Variants in TBC1D1 observed in about 807,000 individuals in gnomAD.
TBC1D1 encodes the protein TBC1 (tre-2/USP6, BUB2, cdc16) domain family, member 1.
TBC1D1 carries 89 observed loss-of-function variants against 125.6 expected under a neutral mutation model. The observed-to-expected ratio is 0.71, with a 90% CI of 0.60 to 0.85. TBC1D1 has a LOEUF of 0.85. Ranked by LOEUF, TBC1D1 falls within the 40% of genes least tolerant of loss-of-function variation. The pLI is 0.00. For synonymous variants in TBC1D1, 565 were observed against 564.1 expected (o/e 1.00, Z -0.02); for missense variants, 1,377 against 1,469.2 (o/e 0.94, Z 1.03).
intron 2 of TBC1D1, among the ~76,000 whole-genome samples, chr4:37,915,222 A>G (rs1267606410): frequency 6.6e-6 from 1 of 152,136 alleles, no homozygotes; most frequent in Non-Finnish European, 1.5e-5. Context: ...TTTTAACCTG[A>G]TATCATCTAG....
At chr4:38,051,296 CT>C (rs1750496730) in intron 11 of TBC1D1, among the ~76,000 whole-genome samples, 1 of 152,196 alleles carries the variant, frequency 6.6e-6, no homozygotes, top group Non-Finnish European at 1.5e-5. Flanking sequence ...ATTCTGCTTT[CT>C]TTCCCCCTTG....
At chr4:37,912,020 T>C (rs1285071415) in intron 2 of TBC1D1, among the ~76,000 whole-genome samples, 2 of 152,214 alleles carry the variant, frequency 1.3e-5, no homozygotes, top group Non-Finnish European at 2.9e-5. Flanking sequence ...AATAATTACA[T>C]AGGTTATACT....
chr4:38,052,848 C>G (rs929812509), intron 11 of TBC1D1, among the ~76,000 whole-genome samples: 2 of 151,274 alleles, frequency 1.3e-5, no homozygotes, highest in African/African-American at 4.9e-5. Flanking sequence ...ATTATTTTTC[C>G]CAGTTTGAAA....
At chr4:37,902,857 C>G (rs1716378745) in intron 2 of TBC1D1, among the ~76,000 whole-genome samples, 2 of 152,208 alleles carry the variant, frequency 1.3e-5, no homozygotes, top group African/African-American at 4.8e-5. Flanking sequence ...ACCTGGGGAT[C>G]TTGTTAAAAT....
intron 12 of TBC1D1, among the ~76,000 whole-genome samples, chr4:38,068,628 CA>C (rs1754155964): frequency 6.6e-6 from 1 of 152,206 alleles, no homozygotes; most frequent in Non-Finnish European, 1.5e-5. Flanking sequence ...CAGTAACCAA[CA>C]GCCACATATC....
intron 2 of TBC1D1, among the ~76,000 whole-genome samples, chr4:37,986,620 A>G: frequency 6.6e-6 from 1 of 151,696 alleles, no homozygotes; most frequent in Non-Finnish European, 1.5e-5. Context: ...TAATTTTTGT[A>G]TTTTTACTAG....
intron 2 of TBC1D1, among the ~76,000 whole-genome samples, chr4:37,918,993 C>G (rs1012363872): frequency 2.6e-5 from 4 of 151,230 alleles, no homozygotes; most frequent in Non-Finnish European, 1.5e-5. Context: ...AGATGATGTT[C>G]TACTCCTTAT....
In TBC1D1 at chr4:38,053,243, T is replaced by C; in HGVS notation, c.1911-956T>C. The C allele has an allele frequency of 6.7e-7, 1 of 1,486,644 alleles. No individual in the cohort carries two copies. The highest frequency in any genetic ancestry group is 1.7e-4 in the Middle Eastern group (1 of 5,724). The allele number at this position is 1,486,644 out of a possible 1,614,324, so 92.1% of individuals were successfully genotyped here. A position where few individuals can be genotyped will look rare whatever the true frequency, so the allele number is the denominator to read the frequency against. On this transcript the variant is annotated intron_variant, in intron 11 of 19. Transcript: ENST00000261439. Reference sequence around the variant, plus strand: ...ACAAAAAGGTAGGGCTTAATTTAGATATATCAAGCCTGGGTGTTACTAAGT... The same window carrying C: ...ACAAAAAGGTAGGGCTTAATTTAGACATATCAAGCCTGGGTGTTACTAAGT...
At chr4:37,913,609 ATATATATATATATGTGTG>A (rs776495673) in intron 2 of TBC1D1, among the ~76,000 whole-genome samples, 9 of 69,512 alleles carry the variant, frequency 1.3e-4, no homozygotes, top group East Asian at 3.3e-4. Flanking sequence ...CAAAAAATAA[ATATATATATATATGTGTG>A]TATATATATA....
intron 17 of TBC1D1, chr4:38,118,407 CT>C (rs1335505867): frequency 1.7e-6 from 1 of 579,010 alleles, no homozygotes. Context: ...ATGCCTTCAT[CT>C]TGTGGGATGT....
chr4:38,079,774 G>A (rs750575192), intron 12 of TBC1D1, among the ~76,000 whole-genome samples: 43 of 151,924 alleles, frequency 2.8e-4, no homozygotes, highest in Non-Finnish European at 4.9e-4. Flanking sequence ...TCTATTTAAT[G>A]GTCAGGTCAT....
At chr4:38,137,032 ACT>A (rs1211291097) in intron 19 of TBC1D1, 101 bp from the exon 22 acceptor site, 2 of 1,569,132 alleles carry the variant, frequency 1.3e-6, no homozygotes, top group African/African-American at 1.4e-5. Context: ...CCCTGCTGAA[ACT>A]CGGCTCCAGA....
At chr4:37,900,126 A>G (rs1198878038) in intron 1 of TBC1D1, among the ~76,000 whole-genome samples, 1 of 141,636 alleles carries the variant, frequency 7.1e-6, no homozygotes, top group Non-Finnish European at 1.5e-5. Context: ...GTCTCAAAAA[A>G]AAAAGAAAAA....
intron 2 of TBC1D1, chr4:37,952,126 T>C: frequency 1.4e-6 from 1 of 715,560 alleles, no homozygotes; most frequent in South Asian, 1.5e-5. Context: ...CTGCAAGGCC[T>C]GCAGTCATGA....
intron 16 of TBC1D1, among the ~76,000 whole-genome samples, chr4:38,117,115 G>A (rs1156405674): frequency 1.3e-5 from 2 of 152,154 alleles, no homozygotes; most frequent in Admixed American, 1.3e-4. Context: ...AACTCTTTTG[G>A]GGTGGTGCCT....
intron 2 of TBC1D1, among the ~76,000 whole-genome samples, chr4:37,951,273 C>T (rs188319032): frequency 1.3e-5 from 2 of 151,990 alleles, no homozygotes; most frequent in African/African-American, 2.4e-5. Flanking sequence ...TAAAAATGAT[C>T]GTGGGAAGAG....
intron 14 of TBC1D1, among the ~76,000 whole-genome samples, chr4:38,097,056 G>A (rs1361901208): frequency 1.3e-5 from 2 of 152,136 alleles, no homozygotes; most frequent in Non-Finnish European, 2.9e-5. Context: ...ACTGAGTTCT[G>A]GTTGAGCTCA....
intron 2 of TBC1D1, among the ~76,000 whole-genome samples, chr4:37,928,690 C>T (rs905519315): frequency 2.6e-5 from 4 of 152,184 alleles, no homozygotes; most frequent in Non-Finnish European, 5.9e-5. Context: ...TTCTTCCAGG[C>T]GGTCTTTGGC....
chr4:38,017,733 C>A (rs1277438355), intron 3 of TBC1D1, among the ~76,000 whole-genome samples: 1 of 152,194 alleles, frequency 6.6e-6, no homozygotes, highest in Non-Finnish European at 1.5e-5. Flanking sequence ...ACCCAAGAAG[C>A]TTAGCGCTCC....
Sources: allele counts gnomAD v4.1 joint callset (sites outside exome capture counted in the v4.1 genomes callset), GRCh38; gene constraint gnomAD v4.1.1; transcripts MANE v1.5; gene names NCBI Gene and HGNC (gene_info 2026-07-23, HGNC 2026-07-21).